Variants in KLF8 observed in about 807,000 individuals in gnomAD.
The protein encoded by KLF8 is KLF transcription factor 8.
KLF8 carries 10 observed loss-of-function variants against 18.2 expected under a neutral mutation model. That is an observed-to-expected ratio of 0.55 (90% CI 0.34 to 0.93). The LOEUF is 0.93. KLF8 is among the 40% of genes least tolerant of loss of function. KLF8 has a pLI of 0.02. For synonymous variants in KLF8, 109 were observed against 97.3 expected (o/e 1.12, Z -0.71); for missense variants, 264 against 277.9 (o/e 0.95, Z 0.36).
the KLF8 span, among the ~76,000 whole-genome samples, chrX:56,043,556 T>G: frequency 8.9e-6 from 1 of 111,828 alleles, no homozygotes; most frequent in African/African-American, 3.3e-5. Flanking sequence ...CTGTCTTATT[T>G]CAGAAAGATA....
chrX:55,939,994 G>A, the KLF8 span, among the ~76,000 whole-genome samples: 1 of 111,765 alleles, frequency 8.9e-6, no homozygotes, highest in Non-Finnish European at 1.9e-5. Flanking sequence ...CCAATCAATA[G>A]AAAAAGAGGG....
the KLF8 span, among the ~76,000 whole-genome samples, chrX:56,199,406 AC>A: frequency 2.7e-5 from 3 of 111,592 alleles, no homozygotes; most frequent in Non-Finnish European, 3.8e-5. Context: ...AAAACAAACA[AC>A]CCCATCAAAA....
chrX:56,037,274 C>T, the KLF8 span, among the ~76,000 whole-genome samples: 7 of 111,372 alleles, frequency 6.3e-5, no homozygotes, highest in South Asian at 3.7e-4. Context: ...CCCACTTGAT[C>T]GTGGTGTATT....
chrX:55,977,982 G>A, the KLF8 span, among the ~76,000 whole-genome samples: 2 of 110,406 alleles, frequency 1.8e-5, no homozygotes, highest in Non-Finnish European at 3.8e-5. Flanking sequence ...CATGGTAGAA[G>A]GCATTGATGA....
At chrX:56,056,129 A>G in the KLF8 span, among the ~76,000 whole-genome samples, 1 of 111,690 alleles carries the variant, frequency 9.0e-6, no homozygotes, top group Non-Finnish European at 1.9e-5. Context: ...TTGGAAGACC[A>G]AGGCACTCTG....
the KLF8 span, among the ~76,000 whole-genome samples, chrX:55,940,187 G>A: frequency 1.8e-5 from 2 of 112,036 alleles, no homozygotes; most frequent in Admixed American, 1.9e-4. Flanking sequence ...CCATGATCAC[G>A]TGGACTTCAT....
the KLF8 span, among the ~76,000 whole-genome samples, chrX:55,990,388 C>G: frequency 8.9e-6 from 1 of 112,218 alleles, no homozygotes; most frequent in African/African-American, 3.2e-5. Flanking sequence ...CCCTGAGATT[C>G]TGGTATGTTG....
the KLF8 span, among the ~76,000 whole-genome samples, chrX:55,949,415 G>T: frequency 1.0e-4 from 11 of 106,731 alleles, no homozygotes; most frequent in African/African-American, 1.7e-4. Flanking sequence ...TACAACTTTC[G>T]TAGAGGATCC....
chrX:56,177,174 C>T, the KLF8 span, among the ~76,000 whole-genome samples: 46 of 111,737 alleles, frequency 4.1e-4, no homozygotes, highest in Middle Eastern at 4.6e-3. Flanking sequence ...GGAGGAGAGG[C>T]GCTCTGATTT....
At chrX:56,119,490 G>C in the KLF8 span, among the ~76,000 whole-genome samples, 26 of 110,683 alleles carry the variant, frequency 2.3e-4, no homozygotes, top group East Asian at 7.5e-3. Context: ...TGCAACCTCT[G>C]CCTTCTGGGT....
At chrX:55,978,201 C>T in the KLF8 span, among the ~76,000 whole-genome samples, 9 of 110,671 alleles carry the variant, frequency 8.1e-5, no homozygotes, top group East Asian at 2.0e-3. Context: ...GTAGTATTTC[C>T]GTTTTGTGGC....
intron 3 of KLF8, chrX:56,267,633 G>A (rs2066989164): frequency 9.0e-6 from 1 of 111,051 alleles, no homozygotes; most frequent in African/African-American, 3.3e-5. Context: ...AACAATTGGA[G>A]TGCAAGAAGA....
the KLF8 span, among the ~76,000 whole-genome samples, chrX:56,195,122 G>A: frequency 8.9e-6 from 1 of 112,352 alleles, no homozygotes; most frequent in South Asian, 3.6e-4. Context: ...ACAAAGAGGA[G>A]GAGAAACCAG....
intron 3 of KLF8, chrX:56,266,067 C>A: frequency 1.2e-6 from 1 of 803,796 alleles, no homozygotes; most frequent in South Asian, 6.3e-5. Flanking sequence ...TTACAAAATG[C>A]AAAATTTAAA....
the KLF8 span, among the ~76,000 whole-genome samples, chrX:56,035,973 T>C: frequency 8.9e-6 from 1 of 112,308 alleles, no homozygotes; most frequent in African/African-American, 3.2e-5. Flanking sequence ...ATCTTATTAG[T>C]TTGATATAAT....
At chrX:55,965,498 C>T in the KLF8 span, among the ~76,000 whole-genome samples, 17 of 111,750 alleles carry the variant, frequency 1.5e-4, no homozygotes, top group South Asian at 4.5e-3. Context: ...CCACTCTCAC[C>T]ACTTCTATTC....
At chrX:56,093,345 A>G in the KLF8 span, among the ~76,000 whole-genome samples, 1 of 111,639 alleles carries the variant, frequency 9.0e-6, no homozygotes, top group Non-Finnish European at 1.9e-5. Flanking sequence ...AAGCAAAAAT[A>G]TAAATTTGAT....
At chrX:56,133,776 G>A in the KLF8 span, among the ~76,000 whole-genome samples, 2 of 111,152 alleles carry the variant, frequency 1.8e-5, no homozygotes, top group Non-Finnish European at 3.8e-5. Context: ...CTAAAGACTC[G>A]TCCAAATAGC....
At chrX:56,148,657 C>T in the KLF8 span, among the ~76,000 whole-genome samples, 3 of 111,782 alleles carry the variant, frequency 2.7e-5, no homozygotes, top group Non-Finnish European at 5.6e-5. Flanking sequence ...GCTGGGGAGG[C>T]CTCACAATCA....
Sources: allele counts gnomAD v4.1 joint callset (sites outside exome capture counted in the v4.1 genomes callset), GRCh38; gene constraint gnomAD v4.1.1; transcripts MANE v1.5; gene names NCBI Gene and HGNC (gene_info 2026-07-23, HGNC 2026-07-21).